RBP4: variants seen among roughly 807,000 people sequenced by gnomAD.
The protein encoded by RBP4 is retinol binding protein 4.
Under a neutral mutation model 26.2 loss-of-function variants are expected in RBP4, and 9 were observed. That is an observed-to-expected ratio of 0.34 (90% CI 0.21 to 0.60). The LOEUF (loss-of-function observed/expected upper bound fraction) is 0.60, where lower values mean the gene tolerates loss of function less well. RBP4 is among the 20% of genes least tolerant of loss of function. The probability of loss-of-function intolerance (pLI) is 0.80; values close to 1 mark genes in which losing one functional copy is unlikely to be tolerated. For synonymous variants in RBP4, 114 were observed against 111.0 expected (o/e 1.03, Z -0.17); for missense variants, 244 against 271.3 (o/e 0.90, Z 0.71).
At chr10:93,592,894 T>G (rs13376735) in intron 5 of RBP4, among the ~76,000 whole-genome samples, 1 of 152,164 alleles carries the variant, frequency 6.6e-6, no homozygotes, top group African/African-American at 2.4e-5. Context: ...CTCAACTCAC[T>G]GCAGCCTCCG....
At chr10:93,601,642 G>A (rs756895115), upstream of RBP4, 15 of 776,618 alleles carry the variant, frequency 1.9e-5, no homozygotes, top group Non-Finnish European at 3.4e-5. Context: ...GAGTGCCCAG[G>A]CCCTGGCCAT....
intron 4 of RBP4, among the ~76,000 whole-genome samples, chr10:93,599,341 G>T (rs10882277): frequency 0.081 from 12,288 of 152,144 alleles, 609 homozygotes; most frequent in Middle Eastern, 0.11. Flanking sequence ...AGTCCAAGAG[G>T]GTGGTGTGCC....
In RBP4 at chr10:93,600,996, C is replaced by A; in HGVS notation, c.33G>T (p.Ala11=). The A allele has an allele frequency of 6.2e-7, 1 of 1,612,152 alleles. No individual in the cohort carries two copies. The highest frequency in any genetic ancestry group is 8.5e-7 in the Non-Finnish European group (1 of 1,179,720). Reference sequence around the variant, plus strand: ...GCTCCGCGCGGCCGCTGCCCAGCGCCGCCAACAGCAAGAGCGCCCACACCC... The same window carrying A: ...GCTCCGCGCGGCCGCTGCCCAGCGCAGCCAACAGCAAGAGCGCCCACACCC... MKWVWALLLL[A]ALGSGRAERD... The change falls in exon 2 of 6, where the codon GCG becomes GCT. Residue 11 remains alanine (A), a synonymous_variant. Coordinates refer to ENST00000371464, the MANE Select transcript of RBP4 (RefSeq NM_006744.4).
chr10:93,600,367 A>G (rs1428681917), intron 4 of RBP4, 26 bp downstream of exon 4: 8 of 1,598,206 alleles, frequency 5.0e-6, no homozygotes, highest in Non-Finnish European at 6.9e-6. Context: ...CATTCCCAAG[A>G]CAGTCCCACA....
At chr10:93,601,629 C>T (rs560353785), upstream of RBP4, 2 of 771,274 alleles carry the variant, frequency 2.6e-6, no homozygotes, top group South Asian at 1.4e-5. Flanking sequence ...CTCCCTGGTG[C>T]GTGAGTGCCC....
intron 4 of RBP4, among the ~76,000 whole-genome samples, chr10:93,596,842 A>T (rs1426937686): frequency 6.6e-6 from 1 of 152,152 alleles, no homozygotes; most frequent in East Asian, 1.9e-4. Flanking sequence ...TGCTCCAATC[A>T]TCTAAAGCAG....
At chr10:93,593,801 AG>A in intron 5 of RBP4, 21 bp downstream of exon 5, 1 of 1,610,142 alleles carries the variant, frequency 6.2e-7, no homozygotes, top group South Asian at 1.1e-5. Flanking sequence ...AAGAGCCAGA[AG>A]GCACCCTGCT....
chr10:93,592,022 G>A lies in RBP4; in HGVS notation c.*53C>T. The A allele has an allele frequency of 2.1e-6, 3 of 1,456,734 alleles. No homozygotes were observed. Among genetic ancestry groups the A allele is most frequent in the Non-Finnish European group, 2.9e-6 (3 of 1,036,658 alleles). 90.2% of individuals were successfully genotyped at this position (1,456,734 alleles called of 1,614,324 possible). On this transcript the variant is annotated 3_prime_UTR_variant, in exon 6 of 6. Transcript: ENST00000371464. ...TTAAACTCCTAAGATAAATAGAGCT[G>A]AAGACTGAGAGCTAATCAGAAGTTC...
rs117558315 is a variant in RBP4 at position 93,596,943 on chromosome 10, T to C, written c.356-2908A>G. 2.2e-3 allele frequency among the ~76,000 whole-genome samples: 328 copies of C among 152,340 alleles called. 1 individual carries two copies. The highest frequency in any genetic ancestry group is 6.8e-3 in the Middle Eastern group (2 of 294). ...CAGATTCAATGCTATTTCTGATGCATTGTCAAAATACCCCAACAGGCCCCA... is the reference window on the plus strand; with the variant it reads ...CAGATTCAATGCTATTTCTGATGCACTGTCAAAATACCCCAACAGGCCCCA... On this transcript the variant is annotated intron_variant, in intron 4 of 5. Transcript: ENST00000371464.
intron 4 of RBP4, among the ~76,000 whole-genome samples, chr10:93,598,348 A>G (rs1271679822): frequency 6.6e-6 from 1 of 152,226 alleles, no homozygotes; most frequent in Non-Finnish European, 1.5e-5. Context: ...TGATCGTTTC[A>G]CTTTGCAGAT....
In RBP4 at chr10:93,592,029, G is replaced by A; in HGVS notation, c.*46C>T. The A allele has an allele frequency of 5.3e-6, 8 of 1,505,588 alleles. No individual in the cohort carries two copies. Among genetic ancestry groups the A allele is most frequent in the Non-Finnish European group, 7.4e-6 (8 of 1,081,118 alleles). 93.3% of individuals were successfully genotyped at this position (1,505,588 alleles called of 1,614,324 possible). On this transcript the variant is annotated 3_prime_UTR_variant, in exon 6 of 6. Transcript: ENST00000371464. ...CCTAAGATAAATAGAGCTGAAGACT[G>A]AGAGCTAATCAGAAGTTCTCAGATG...
In RBP4 at chr10:93,598,743, T is replaced by C. The variant is rs962072377; in HGVS notation, c.355+1650A>G. ...CCTAAAGGCATTGCCAACAGAATCC[T>C]AGTCCATTAAGGAGCACATCTCAAA... On this transcript the variant is annotated intron_variant, in intron 4 of 5. Coordinates refer to ENST00000371464, the MANE Select transcript of RBP4 (RefSeq NM_006744.4). 6.6e-4 allele frequency among the ~76,000 whole-genome samples: 100 copies of C among 152,368 alleles called. 1 individual carries two copies. Among genetic ancestry groups the C allele is most frequent in the Middle Eastern group, 6.8e-3 (2 of 294 alleles).
At position 93,597,777 on chromosome 10, in the gene RBP4, T is replaced by A. The variant is rs192522468; in HGVS notation, c.355+2616A>T. On this transcript the variant is annotated intron_variant, in intron 4 of 5. Coordinates refer to ENST00000371464, the MANE Select transcript of RBP4 (RefSeq NM_006744.4). ...ATAAGCGCACCTCATTTTAAACACA[T>A]CCGTTTGGTGAGATGCAGTGTGTGG... Among the ~76,000 whole-genome samples the A allele has an allele frequency of 5.0e-3, 761 of 152,290 alleles. 3 individuals carry two copies. Among genetic ancestry groups the A allele is most frequent in the Non-Finnish European group, 8.6e-3 (585 of 68,032 alleles).
intron 4 of RBP4, 105 bp downstream of exon 4, chr10:93,600,288 G>A (rs1183805522): frequency 1.2e-5 from 12 of 1,009,710 alleles, no homozygotes; most frequent in Admixed American, 3.4e-5. Flanking sequence ...AGACCTTTCC[G>A]CAGGCCATTC....
At chr10:93,592,817 T>C (rs1225727908) in intron 5 of RBP4, among the ~76,000 whole-genome samples, 1 of 151,072 alleles carries the variant, frequency 6.6e-6, no homozygotes, top group African/African-American at 2.5e-5. Context: ...TGTTTGATTA[T>C]TATTATTATT....
rs955715916 is a variant in RBP4, at chr10:93,592,003, T to G, written c.*72A>C. 12 of 1,321,682 alleles carry G rather than the reference T, an allele frequency of 9.1e-6. No homozygotes were observed. The highest frequency in any genetic ancestry group is 1.7e-5 in the Admixed American group (1 of 59,386). 81.9% of individuals were successfully genotyped at this position (1,321,682 alleles called of 1,614,324 possible). On this transcript the variant is annotated 3_prime_UTR_variant, in exon 6 of 6. Coordinates refer to ENST00000371464, the MANE Select transcript of RBP4 (RefSeq NM_006744.4). Reference sequence around the variant, plus strand: ...ATGGGGAGAGAAGGGCAAATTAAACTCCTAAGATAAATAGAGCTGAAGACT... The same window carrying G: ...ATGGGGAGAGAAGGGCAAATTAAACGCCTAAGATAAATAGAGCTGAAGACT...
intron 4 of RBP4, among the ~76,000 whole-genome samples, chr10:93,595,992 G>C (rs35580950): frequency 0.27 from 40,610 of 152,042 alleles, 5,704 homozygotes; most frequent in South Asian, 0.38. Flanking sequence ...AGGGCTGCCT[G>C]CTGGGCCTCA....
intron 4 of RBP4, among the ~76,000 whole-genome samples, chr10:93,598,975 A>G (rs945798762): frequency 1.3e-5 from 2 of 152,202 alleles, no homozygotes; most frequent in African/African-American, 4.8e-5. Flanking sequence ...TCTACCAGGT[A>G]TGGTGGCTCA....
intron 5 of RBP4, among the ~76,000 whole-genome samples, chr10:93,592,326 T>A (rs1475031090): frequency 1.3e-5 from 2 of 152,192 alleles, no homozygotes; most frequent in Non-Finnish European, 2.9e-5. Context: ...TCTCTGGACG[T>A]AATGGGGGTG....
Sources: gnomAD v4.1 joint callset for allele counts (sites outside exome capture counted in the v4.1 genomes callset) on GRCh38, gnomAD v4.1.1 for gene constraint, MANE v1.5 for transcripts, NCBI Gene and HGNC (gene_info 2026-07-23, HGNC 2026-07-21) for gene names.